Variants in SGCD observed in about 807,000 individuals in gnomAD.
SGCD encodes delta-sarcoglycan.
Under a neutral mutation model 36.6 loss-of-function variants are expected in SGCD, and 18 were observed. The observed-to-expected ratio is 0.49, with a 90% CI of 0.34 to 0.73. The LOEUF (loss-of-function observed/expected upper bound fraction) is 0.73, where lower values mean the gene tolerates loss of function less well. SGCD is among the 30% of genes least tolerant of loss of function. The probability of loss-of-function intolerance (pLI) is 0.01; values close to 1 mark genes in which losing one functional copy is unlikely to be tolerated. For missense variants in SGCD, 387 were observed against 346.7 expected (o/e 1.12, Z -0.92); for synonymous variants, 133 against 130.6 (o/e 1.02, Z -0.12).
intron 3 of SGCD, among the ~76,000 whole-genome samples, chr5:156,446,947 A>C (rs189745013): frequency 6.6e-5 from 10 of 152,288 alleles, no homozygotes; most frequent in African/African-American, 2.4e-4. Flanking sequence ...GTCATCCATC[A>C]AATAGTGGCA....
At chr5:156,113,089 G>T (rs1761828013) in intron 1 of SGCD, among the ~76,000 whole-genome samples, 1 of 144,614 alleles carries the variant, frequency 6.9e-6, no homozygotes. Context: ...TCATGTAGAA[G>T]ATCTTGTCCC....
At chr5:156,007,947 C>T (rs1008370150) in intron 1 of SGCD, among the ~76,000 whole-genome samples, 11 of 152,116 alleles carry the variant, frequency 7.2e-5, no homozygotes, top group East Asian at 1.9e-4. Flanking sequence ...TTCTCTCCCA[C>T]GATGTAATGA....
chr5:156,168,981 C>T (rs551664972), intron 3 of SGCD, among the ~76,000 whole-genome samples: 1 of 152,302 alleles, frequency 6.6e-6, no homozygotes, highest in African/African-American at 2.4e-5. Flanking sequence ...AGGCTGAGGG[C>T]TTCAGCCCCT....
At chr5:156,445,714 C>T (rs1414090924) in intron 3 of SGCD, among the ~76,000 whole-genome samples, 1 of 152,140 alleles carries the variant, frequency 6.6e-6, no homozygotes, top group Admixed American at 6.6e-5. Flanking sequence ...ATCTGTCACA[C>T]AGGATTCCTG....
intron 1 of SGCD, among the ~76,000 whole-genome samples, chr5:155,936,158 T>C (rs1757194294): frequency 6.6e-6 from 1 of 152,140 alleles, no homozygotes; most frequent in Admixed American, 6.5e-5. Flanking sequence ...CTTCTTTCCT[T>C]CTCTCTTCTC....
At chr5:156,426,955 A>G (rs1029472791) in intron 3 of SGCD, among the ~76,000 whole-genome samples, 4 of 152,118 alleles carry the variant, frequency 2.6e-5, no homozygotes, top group Non-Finnish European at 5.9e-5. Context: ...GCCTTGTAGT[A>G]TAATTTGCAT....
intron 3 of SGCD, among the ~76,000 whole-genome samples, chr5:156,127,284 G>A (rs1228312136): frequency 6.6e-6 from 1 of 152,022 alleles, no homozygotes; most frequent in Non-Finnish European, 1.5e-5. Context: ...ACTTAAAATA[G>A]CTGTCATTAT....
chr5:156,227,740 T>A (rs911756973), intron 3 of SGCD, among the ~76,000 whole-genome samples: 4 of 152,182 alleles, frequency 2.6e-5, no homozygotes, highest in African/African-American at 4.8e-5. Context: ...TTAGATTGTC[T>A]GTTTGTGCCC....
chr5:156,022,692 G>C (rs1211719614), intron 1 of SGCD, among the ~76,000 whole-genome samples: 2 of 152,066 alleles, frequency 1.3e-5, no homozygotes, highest in Admixed American at 1.3e-4. Context: ...AATATGTGAG[G>C]CAAGTTACTT....
intron 1 of SGCD, among the ~76,000 whole-genome samples, chr5:156,327,572 G>T (rs1422997916): frequency 6.6e-6 from 1 of 152,298 alleles, no homozygotes; most frequent in East Asian, 1.9e-4. Flanking sequence ...CCGTTCACTG[G>T]CAAGGAAGAT....
chr5:155,809,827 T>C, the SGCD span, among the ~76,000 whole-genome samples: 1 of 152,222 alleles, frequency 6.6e-6, no homozygotes, highest in African/African-American at 2.4e-5. Context: ...CATAAAAGCA[T>C]CTTTTTTAAT....
intron 1 of SGCD, among the ~76,000 whole-genome samples, chr5:156,053,426 G>T (rs74699963): frequency 0.074 from 10,838 of 146,126 alleles, 1,776 homozygotes; most frequent in African/African-American, 0.24. Context: ...GGTAGTGAGG[G>T]GGTGAGAGGC....
At position 156,557,785 on chromosome 5, in the gene SGCD, T is replaced by C. The variant is rs560186895; in HGVS notation, c.295-31446T>C. On this transcript the variant is annotated intron_variant, in intron 4 of 8. Transcript: ENST00000337851. ...TGCCTCCTCATCAAGCTGTACATAG[T>C]ATTTTCCTGTCCTCCTCTTATATTG... is the stretch of plus-strand genomic sequence containing the variant. Among the ~76,000 whole-genome samples the C allele has an allele frequency of 1.2e-4, 19 of 152,210 alleles. No individual in the cohort carries two copies. In the South Asian group the frequency reaches 3.9e-3, roughly 32 times the overall value.
At chr5:156,707,903 G>T (rs566653811) in intron 7 of SGCD, among the ~76,000 whole-genome samples, 2 of 152,308 alleles carry the variant, frequency 1.3e-5, no homozygotes, top group African/African-American at 4.8e-5. Context: ...TAACAGAAGA[G>T]ATTGGACTAT....
intron 7 of SGCD, among the ~76,000 whole-genome samples, chr5:156,649,758 G>A (rs1441723383): frequency 6.6e-6 from 1 of 152,032 alleles, no homozygotes; most frequent in Non-Finnish European, 1.5e-5. Flanking sequence ...TATACCTAAT[G>A]TTAAATGACG....
chr5:156,378,488 A>G (rs1258756514), intron 3 of SGCD, among the ~76,000 whole-genome samples: 2 of 152,132 alleles, frequency 1.3e-5, no homozygotes, highest in Non-Finnish European at 2.9e-5. Flanking sequence ...GGTTAGTTTT[A>G]TGTTGTGTAT....
the SGCD span, among the ~76,000 whole-genome samples, chr5:155,802,595 C>T: frequency 6.6e-6 from 1 of 152,166 alleles, no homozygotes; most frequent in Non-Finnish European, 1.5e-5. Flanking sequence ...GCTTTGCTGG[C>T]AAAATCATAT....
intron 2 of SGCD, among the ~76,000 whole-genome samples, chr5:156,122,251 A>G (rs1462998655): frequency 6.6e-6 from 1 of 152,176 alleles, no homozygotes; most frequent in Non-Finnish European, 1.5e-5. Context: ...GTGCAAGGCT[A>G]TCAGTGAAGT....
intron 1 of SGCD, among the ~76,000 whole-genome samples, chr5:155,949,376 A>T (rs1229700719): frequency 2.0e-5 from 3 of 152,224 alleles, no homozygotes; most frequent in Admixed American, 2.0e-4. Flanking sequence ...TGTGTATCAG[A>T]TACTTTGCTC....
Sources: gnomAD v4.1 joint callset for allele counts (sites outside exome capture counted in the v4.1 genomes callset) on GRCh38, gnomAD v4.1.1 for gene constraint, MANE v1.5 for transcripts, NCBI Gene and HGNC (gene_info 2026-07-23, HGNC 2026-07-21) for gene names.